HTT: variants seen among roughly 807,000 people sequenced by gnomAD.
The protein encoded by HTT is huntington disease protein.
In HTT, 104 loss-of-function variants were observed where a neutral mutation model predicts 362.3. That is an observed-to-expected ratio of 0.29 (90% CI 0.24 to 0.34). HTT has a LOEUF of 0.34. Ranked by LOEUF, HTT falls within the 10% of genes least tolerant of loss-of-function variation. HTT has a pLI of 1.00. For synonymous variants in HTT, 1,577 were observed against 1,548.7 expected (o/e 1.02, Z -0.43); for missense variants, 3,301 against 3,928.6 (o/e 0.84, Z 4.27).
chr4:3,187,725 T>G lies in HTT; in HGVS notation c.5064T>G (p.Thr1688=). ...AILRVLISQS[T]EDIVLSRIQE... ...TGAGGGTTCTGATTTCCCAGTCAAC[T>G]GAAGATATTGTTCTTTCTCGTATTC... The change falls in exon 39 of 67, where the codon ACT becomes ACG. Residue 1688 remains threonine, a synonymous_variant. Transcript: ENST00000355072. 1 of 1,614,180 alleles carries G rather than the reference T, an allele frequency of 6.2e-7. No homozygotes were observed. Among genetic ancestry groups the G allele is most frequent in the Non-Finnish European group, 8.5e-7 (1 of 1,180,006 alleles).
At chr4:3,165,080 T>C (rs1717633264) in intron 29 of HTT, among the ~76,000 whole-genome samples, 1 of 152,262 alleles carries the variant, frequency 6.6e-6, no homozygotes, top group South Asian at 2.1e-4. Flanking sequence ...TTTCCATGTT[T>C]AGTGCTTCCT....
chr4:3,191,276 C>A lies in HTT; in HGVS notation c.5368+2183C>A, dbSNP rs1378239908. ...GCAACCTCTGCCTCCCAGGTTCAAG[C>A]AATTCTCCTGCCTCAGCCTCCCGAG... is the stretch of plus-strand genomic sequence containing the variant. On this transcript the variant is annotated intron_variant, in intron 40 of 66. Transcript: ENST00000355072. Among the ~76,000 whole-genome samples the A allele has an allele frequency of 2.0e-5, 3 of 151,982 alleles. No individual in the cohort carries two copies. In the East Asian group the frequency reaches 5.8e-4, roughly 29 times the overall value.
intron 21 of HTT, among the ~76,000 whole-genome samples, chr4:3,136,662 T>C (rs1026742045): frequency 6.6e-6 from 1 of 152,152 alleles, no homozygotes; most frequent in Admixed American, 6.5e-5. Context: ...TTTTGCTATA[T>C]ACTCTATGAG....
chr4:3,145,944 T>G (rs1424476750), intron 24 of HTT, among the ~76,000 whole-genome samples: 1 of 152,234 alleles, frequency 6.6e-6, no homozygotes, highest in African/African-American at 2.4e-5. Flanking sequence ...TAGACTTCAC[T>G]TCTGGGCAAC....
At chr4:3,110,788 C>CTTAGTA in intron 6 of HTT, among the ~76,000 whole-genome samples, 1 of 152,174 alleles carries the variant, frequency 6.6e-6, no homozygotes, top group Non-Finnish European at 1.5e-5. Context: ...GTGCTAGGTA[C>CTTAGTA]TTAGTAGGCC....
Position 3,189,050 on chromosome 4 carries a change from A to G in HTT, c.5325A>G (p.Glu1775=), listed in dbSNP as rs781232530. 6.2e-7 allele frequency: 1 copy of G among 1,614,058 alleles called. No homozygotes were observed. Among genetic ancestry groups the G allele is most frequent in the African/African-American group, 1.3e-5 (1 of 75,058 alleles). The change falls in exon 40 of 67, where the codon GAA becomes GAG. Residue 1775 remains glutamate (E), a synonymous_variant. Coordinates refer to ENST00000355072, the MANE Select transcript of HTT (RefSeq NM_001388492.1). ...AGCAACATACTTTCTATTGCCAGGA[A>G]CTAGGCACACTGCTAATGTGTCTGA... ...SEQQHTFYCQ[E]LGTLLMCLIH...
In HTT at chr4:3,074,936, A is replaced by AGCAGCAGCAGCAGCAG. The variant is rs1553909045; in HGVS notation, c.111_112insGCAGCAGCAGCAGCAG (p.Gln38AlafsTer50). ...AGCAGCAGCAGCAGCAGCAGCAGCAACAGCCGCCACCGCCGCCGCCGCCGC... is the reference window on the plus strand; with the variant it reads ...AGCAGCAGCAGCAGCAGCAGCAGCAAGCAGCAGCAGCAGCAGCAGCCGCCACCGCCGCCGCCGCCGC... On this transcript the variant is annotated frameshift_variant, in exon 1 of 67. Transcript: ENST00000355072. LOFTEE classifies it high-confidence loss of function. The AGCAGCAGCAGCAGCAG allele has an allele frequency of 3.1e-5, 38 of 1,216,874 alleles. No homozygotes were observed. The highest frequency in any genetic ancestry group is 4.1e-5 in the African/African-American group (2 of 48,606). 75.4% of individuals were successfully genotyped at this position (1,216,874 alleles called of 1,614,324 possible).
At chr4:3,162,485 GA>G (rs919275444) in intron 29 of HTT, among the ~76,000 whole-genome samples, 3 of 152,148 alleles carry the variant, frequency 2.0e-5, no homozygotes, top group African/African-American at 7.2e-5. Flanking sequence ...TTGATGGGGG[GA>G]TAGCATTGAA....
chr4:3,220,983 C>G (rs1720646703), intron 53 of HTT, among the ~76,000 whole-genome samples: 1 of 152,186 alleles, frequency 6.6e-6, no homozygotes, highest in Non-Finnish European at 1.5e-5. Context: ...AAATAAGTGT[C>G]TAAATGAATA....
At chr4:3,176,567 G>A (rs1718254706) in intron 33 of HTT, among the ~76,000 whole-genome samples, 1 of 152,192 alleles carries the variant, frequency 6.6e-6, no homozygotes, top group African/African-American at 2.4e-5. Flanking sequence ...TCTCAGGGGG[G>A]CACGGGTACC....
chr4:3,158,027 C>CGACA (rs1717244193), intron 28 of HTT, among the ~76,000 whole-genome samples: 1 of 148,674 alleles, frequency 6.7e-6, no homozygotes, highest in African/African-American at 2.5e-5. Flanking sequence ...GAGTCTTGCT[C>CGACA]TGTCCCCAGG....
intron 55 of HTT, 75 bp downstream of exon 55, chr4:3,223,635 G>A (rs1167672959): frequency 3.7e-6 from 5 of 1,338,292 alleles, no homozygotes; most frequent in African/African-American, 2.9e-5. Context: ...GAAGCGTCCA[G>A]CAGCTTCAAC....
chr4:3,223,658 C>T (rs966216969), intron 55 of HTT, 98 bp downstream of exon 55: 13 of 1,136,744 alleles, frequency 1.1e-5, no homozygotes, highest in Admixed American at 7.4e-5. Flanking sequence ...GGCCGTTTTC[C>T]TTCATTGCTA....
chr4:3,219,634 A>G (rs1048623615), intron 52 of HTT, among the ~76,000 whole-genome samples: 1 of 152,164 alleles, frequency 6.6e-6, no homozygotes, highest in Non-Finnish European at 1.5e-5. Flanking sequence ...ACCTCACTGA[A>G]GGCATGTAAG....
chr4:3,230,157 C>T, intron 60 of HTT, 115 bp downstream of exon 60: 2 of 824,816 alleles, frequency 2.4e-6, no homozygotes, highest in Non-Finnish European at 4.0e-6. Context: ...AAGAGTTGAC[C>T]CGAACCGGAC....
intron 23 of HTT, 131 bp from the exon 24 acceptor site, chr4:3,145,021 T>C (rs924700287): frequency 1.9e-5 from 14 of 727,884 alleles, no homozygotes; most frequent in Non-Finnish European, 3.5e-5. Flanking sequence ...GGGACAGATA[T>C]CCTGTGGTTA....
chr4:3,205,526 T>C (rs1007909463), intron 42 of HTT, among the ~76,000 whole-genome samples: 3 of 152,070 alleles, frequency 2.0e-5, no homozygotes, highest in African/African-American at 7.2e-5. Context: ...CACAGAAATA[T>C]AAGAAAAAAG....
chr4:3,087,224 C>A (rs1212968030), intron 2 of HTT, among the ~76,000 whole-genome samples: 1 of 152,044 alleles, frequency 6.6e-6, no homozygotes, highest in African/African-American at 2.4e-5. Context: ...TTTTTGTAAT[C>A]TTTTATGCAA....
intron 3 of HTT, among the ~76,000 whole-genome samples, chr4:3,103,274 G>T (rs1208339901): frequency 1.4e-5 from 2 of 141,092 alleles, no homozygotes; most frequent in African/African-American, 5.5e-5. Context: ...GCCCAGGCTG[G>T]AGTGCAATGG....
Sources: allele counts gnomAD v4.1 joint callset (sites outside exome capture counted in the v4.1 genomes callset), GRCh38; gene constraint gnomAD v4.1.1; transcripts MANE v1.5; gene names NCBI Gene and HGNC (gene_info 2026-07-23, HGNC 2026-07-21).